SLC25A33: variants seen among roughly 807,000 people sequenced by gnomAD.
SLC25A33 encodes the protein bone marrow stromal cell mitochondrial carrier protein.
Under a neutral mutation model 35.5 loss-of-function variants are expected in SLC25A33, and 15 were observed. That is an observed-to-expected ratio of 0.42 (90% CI 0.28 to 0.65). The LOEUF (loss-of-function observed/expected upper bound fraction) is 0.65. Ranked by LOEUF, SLC25A33 falls within the 30% of genes least tolerant of loss-of-function variation. The pLI, the probability that SLC25A33 is intolerant of heterozygous loss-of-function variation, is 0.20. For missense variants in SLC25A33, 257 were observed against 398.5 expected, an observed-to-expected ratio of 0.64 and a Z score of 3.02; for synonymous variants, 136 against 148.7, an observed-to-expected ratio of 0.91 and a Z score of 0.62.
At chr1:9,544,250 T>C (rs1485238346) in intron 1 of SLC25A33, among the ~76,000 whole-genome samples, 2 of 151,908 alleles carry the variant, frequency 1.3e-5, no homozygotes, top group Non-Finnish European at 2.9e-5. Context: ...TAAATCTTTA[T>C]CAGCTAATGG....
chr1:9,542,115 AT>A (rs2100364363), intron 1 of SLC25A33, among the ~76,000 whole-genome samples: 1 of 152,006 alleles, frequency 6.6e-6, no homozygotes, highest in African/African-American at 2.4e-5. Context: ...GTCTTTTACA[AT>A]TTTTCTTTGT....
intron 4 of SLC25A33, among the ~76,000 whole-genome samples, chr1:9,571,247 T>C (rs906151911): frequency 1.3e-5 from 2 of 152,202 alleles, no homozygotes; most frequent in African/African-American, 2.4e-5. Context: ...TTCCCCGGGA[T>C]GTACTTGCAA....
chr1:9,572,031 G>A (rs1643597393), intron 4 of SLC25A33, among the ~76,000 whole-genome samples: 1 of 152,142 alleles, frequency 6.6e-6, no homozygotes. Flanking sequence ...AGTTTTGTCT[G>A]CCGTTGTTAC....
chr1:9,580,316 G>A (rs979545554), intron 6 of SLC25A33, 82 bp downstream of exon 6: 24 of 1,517,042 alleles, frequency 1.6e-5, no homozygotes, highest in Middle Eastern at 1.8e-4. Flanking sequence ...CTTCTGAGGC[G>A]CACATTGAGG....
At chr1:9,570,197 G>T in intron 3 of SLC25A33, 61 bp from the exon 4 acceptor site, 2 of 1,450,728 alleles carry the variant, frequency 1.4e-6, no homozygotes, top group South Asian at 1.2e-5. Context: ...CAGGTGTTCT[G>T]GAGGGACGTA....
intron 2 of SLC25A33, among the ~76,000 whole-genome samples, chr1:9,564,737 A>ATATAT (rs1396734975): frequency 8.2e-5 from 6 of 72,754 alleles, no homozygotes; most frequent in Admixed American, 1.6e-4. Context: ...AAAAAAAAAA[A>ATATAT]AAATATATAT....
chr1:9,570,411 A>G (rs1305302485), intron 4 of SLC25A33, 53 bp downstream of exon 4: 13 of 1,447,344 alleles, frequency 9.0e-6, no homozygotes, highest in Non-Finnish European at 1.1e-5. Flanking sequence ...TTTCTAAAGC[A>G]TGCATTGTGC....
At position 9,570,361 on chromosome 1, in the gene SLC25A33, A is replaced by G. The variant is rs775004555; in HGVS notation, c.415+3A>G. 8 of 1,611,976 alleles carry G rather than the reference A, an allele frequency of 5.0e-6. No homozygotes were observed. The highest frequency in any genetic ancestry group is 1.1e-5 in the South Asian group (1 of 91,018). On this transcript the variant is annotated splice_donor_region_variant and intron_variant, in intron 4 of 6. Coordinates refer to ENST00000302692, the MANE Select transcript of SLC25A33 (RefSeq NM_032315.3). The stretch of plus-strand genomic sequence containing the variant: ...TATTTTCTCAGCTGGCTCTGCAGGT[A>G]TGTTACCCTAGTGAGTGAAGAGAGG...
chr1:9,547,740 ACT>A (rs1172574862), intron 1 of SLC25A33, among the ~76,000 whole-genome samples: 7 of 151,584 alleles, frequency 4.6e-5, no homozygotes, highest in East Asian at 3.9e-4. Context: ...AGATTTTATT[ACT>A]GGGGTGGGGA....
intron 5 of SLC25A33, chr1:9,577,090 G>T: frequency 3.7e-6 from 2 of 545,446 alleles, no homozygotes; most frequent in Non-Finnish European, 6.4e-6. Flanking sequence ...GGGAAGAAAA[G>T]AATAGCCAGG....
chr1:9,539,662 GC>G lies in SLC25A33; in HGVS notation c.-29del. On this transcript the variant is annotated 5_prime_UTR_variant, in exon 1 of 7. Transcript: ENST00000302692. ...AGCCGCCACGCGCTCTCGCCACCGG[GC>G]GGCGACGGGCCGCGGAGCCGGCGCG... The G allele has an allele frequency of 6.7e-6, 9 of 1,346,602 alleles. No individual in the cohort carries two copies. Among genetic ancestry groups the G allele is most frequent in the Non-Finnish European group, 8.6e-6 (9 of 1,052,284 alleles). 83.4% of individuals were successfully genotyped at this position (1,346,602 alleles called of 1,614,324 possible). A position where few individuals can be genotyped will look rare whatever the true frequency, so the allele number is the denominator to read the frequency against.
intron 2 of SLC25A33, among the ~76,000 whole-genome samples, chr1:9,557,119 G>C (rs1263566143): frequency 1.3e-5 from 2 of 152,128 alleles, no homozygotes; most frequent in African/African-American, 4.8e-5. Flanking sequence ...TTTTATTAGA[G>C]ACAGGGATTC....
chr1:9,543,458 C>G (rs1643124976), intron 1 of SLC25A33, among the ~76,000 whole-genome samples: 1 of 152,168 alleles, frequency 6.6e-6, no homozygotes, highest in East Asian at 1.9e-4. Context: ...CATTCCTTTT[C>G]TATTGTTTAA....
intron 1 of SLC25A33, among the ~76,000 whole-genome samples, chr1:9,541,908 T>C (rs1643090387): frequency 6.6e-6 from 1 of 151,056 alleles, no homozygotes; most frequent in South Asian, 2.1e-4. Flanking sequence ...CACGCCATTC[T>C]CCCGCCTCAG....
In SLC25A33 at chr1:9,553,892, G is replaced by A. The variant is rs905500602; in HGVS notation, c.236+87G>A. On this transcript the variant is annotated intron_variant, in intron 2 of 6. Transcript: ENST00000302692. ...AATGTTCATCAAGCTTATCAAATGT[G>A]ATGTTCTGTTTGCATAGCCTTGGTC... is the stretch of plus-strand genomic sequence containing the variant. The A allele has an allele frequency of 9.3e-6, 13 of 1,397,628 alleles. No homozygotes were observed. In the Admixed American group the frequency reaches 1.7e-4, roughly 18 times the overall value. 86.6% of individuals were successfully genotyped at this position (1,397,628 alleles called of 1,614,324 possible). A position where few individuals can be genotyped will look rare whatever the true frequency, so the allele number is the denominator to read the frequency against.
At chr1:9,553,203 G>GTTTTTTTTTTTTTTTTTTTTTTTTTTTT (rs550067186) in intron 1 of SLC25A33, among the ~76,000 whole-genome samples, 3 of 56,494 alleles carry the variant, frequency 5.3e-5, no homozygotes, top group Non-Finnish European at 6.5e-5. Flanking sequence ...TTCTAGTTTT[G>GTTTTTTTTTTTTTTTTTTTTTTTTTTTT]TTTTTTTTTT....
chr1:9,539,774 GC>G, intron 1 of SLC25A33, 27 bp downstream of exon 1: 3 of 1,347,818 alleles, frequency 2.2e-6, no homozygotes, highest in South Asian at 1.8e-5. Flanking sequence ...AGCCGCGCGC[GC>G]CCCACCGCCT....
intron 6 of SLC25A33, 117 bp downstream of exon 6, chr1:9,580,351 A>G (rs1214792443): frequency 7.7e-7 from 1 of 1,305,206 alleles, no homozygotes; most frequent in African/African-American, 1.5e-5. Flanking sequence ...AGGTAAGGTC[A>G]GTGAGTATGA....
chr1:9,546,227 C>A (rs1643166823), intron 1 of SLC25A33, among the ~76,000 whole-genome samples: 1 of 139,666 alleles, frequency 7.2e-6, no homozygotes, highest in South Asian at 2.3e-4. Context: ...CTCTGTCGCC[C>A]AGGCTGGAGT....
Sources: allele counts gnomAD v4.1 joint callset (sites outside exome capture counted in the v4.1 genomes callset), GRCh38; gene constraint gnomAD v4.1.1; transcripts MANE v1.5; gene names NCBI Gene and HGNC (gene_info 2026-07-23, HGNC 2026-07-21).